The following MARCHF11 variants were observed in gnomAD, a reference collection of about 807,000 sequenced individuals.
MARCHF11 encodes the protein membrane associated ring-CH-type finger 11.
MARCHF11 carries 29 observed loss-of-function variants against 37.3 expected under a neutral mutation model. That is an observed-to-expected ratio of 0.78 (90% CI 0.58 to 1.06). The LOEUF is 1.06. MARCHF11 is among the 50% of genes least tolerant of loss of function. The pLI, the probability that MARCHF11 is intolerant of heterozygous loss-of-function variation, is 0.00. For missense variants in MARCHF11, 482 were observed against 533.4 expected (o/e 0.90, Z 0.95); for synonymous variants, 233 against 228.0 (o/e 1.02, Z -0.20).
chr5:16,145,667 A>C (rs1737784647), intron 2 of MARCHF11, among the ~76,000 whole-genome samples: 1 of 152,166 alleles, frequency 6.6e-6, no homozygotes, highest in Non-Finnish European at 1.5e-5. Context: ...CAGTCTCAAT[A>C]ATGATAGAAG....
chr5:16,164,756 CT>C (rs1465454527), intron 2 of MARCHF11, among the ~76,000 whole-genome samples: 1 of 152,018 alleles, frequency 6.6e-6, no homozygotes, highest in Non-Finnish European at 1.5e-5. Context: ...CCTATTGCTT[CT>C]ACTTTAAAGG....
intron 2 of MARCHF11, among the ~76,000 whole-genome samples, chr5:16,176,271 C>A (rs1361087686): frequency 6.6e-6 from 1 of 152,166 alleles, no homozygotes; most frequent in Non-Finnish European, 1.5e-5. Context: ...TAGCTCTTCT[C>A]ATGGAACTTT....
chr5:16,140,809 T>C (rs1243790893), intron 2 of MARCHF11, among the ~76,000 whole-genome samples: 2 of 152,320 alleles, frequency 1.3e-5, no homozygotes, highest in African/African-American at 4.8e-5. Context: ...ATTTTCTCCA[T>C]TAATGCTGGG....
chr5:16,134,558 C>T (rs908176309), intron 2 of MARCHF11, among the ~76,000 whole-genome samples: 2 of 152,100 alleles, frequency 1.3e-5, no homozygotes, highest in African/African-American at 4.8e-5. Context: ...AATGTTAATG[C>T]CTGCATTATA....
intron 2 of MARCHF11, among the ~76,000 whole-genome samples, chr5:16,125,810 G>T (rs1358865917): frequency 6.6e-6 from 1 of 152,160 alleles, no homozygotes; most frequent in Non-Finnish European, 1.5e-5. Context: ...CAGAGGAAAT[G>T]TAGTACAAAT....
chr5:16,150,969 C>T (rs999861189), intron 2 of MARCHF11, among the ~76,000 whole-genome samples: 1 of 152,042 alleles, frequency 6.6e-6, no homozygotes, highest in African/African-American at 2.4e-5. Context: ...GTGCTTCCCA[C>T]TGCATGAGCC....
intron 2 of MARCHF11, among the ~76,000 whole-genome samples, chr5:16,157,351 T>A (rs1038997335): frequency 6.6e-6 from 1 of 151,886 alleles, no homozygotes; most frequent in Non-Finnish European, 1.5e-5. Flanking sequence ...ATCCTAAAAT[T>A]TGTATGGAAC....
intron 2 of MARCHF11, among the ~76,000 whole-genome samples, chr5:16,118,401 A>G (rs1737255627): frequency 6.6e-6 from 1 of 151,762 alleles, no homozygotes; most frequent in African/African-American, 2.4e-5. Flanking sequence ...ACTGGTTCCA[A>G]TAAGAGGCAG....
At chr5:16,156,462 T>A (rs1737979140) in intron 2 of MARCHF11, among the ~76,000 whole-genome samples, 1 of 151,922 alleles carries the variant, frequency 6.6e-6, no homozygotes, top group Non-Finnish European at 1.5e-5. Context: ...TCTTTATAAC[T>A]ATCCTAATCC....
At chr5:16,087,805 A>G (rs1043498174) in intron 3 of MARCHF11, among the ~76,000 whole-genome samples, 1 of 152,250 alleles carries the variant, frequency 6.6e-6, no homozygotes, top group African/African-American at 2.4e-5. Flanking sequence ...GCCTAGGAAT[A>G]AGTAAATAAA....
At chr5:16,155,731 G>A (rs1442464669) in intron 2 of MARCHF11, among the ~76,000 whole-genome samples, 1 of 151,904 alleles carries the variant, frequency 6.6e-6, no homozygotes, top group South Asian at 2.1e-4. Flanking sequence ...TGGGAATCAA[G>A]TCAGGCATTC....
chr5:16,085,939 C>CAAAAAAAAAAAAAAAAAAA lies in MARCHF11; in HGVS notation c.886+4931_886+4949dup, dbSNP rs56782867. On this transcript the variant is annotated intron_variant, in intron 3 of 3. Coordinates refer to ENST00000332432, the MANE Select transcript of MARCHF11 (RefSeq NM_001102562.3). ...TGGGCGAAAGAGCAAGACTCCATCT[C>CAAAAAAAAAAAAAAAAAAA]AAAAAAAAAAAAAAAAAAAAAAAAA... is the stretch of plus-strand genomic sequence containing the variant. Among the ~76,000 whole-genome samples, 12 of 40,972 alleles carry CAAAAAAAAAAAAAAAAAAA rather than the reference C, an allele frequency of 2.9e-4. 2 individuals carry two copies. The highest frequency in any genetic ancestry group is 3.3e-4 in the African/African-American group (4 of 12,082). The allele number at this position is 40,972 out of a possible 152,430, so 26.9% of individuals were successfully genotyped here.
chr5:16,109,863 T>C (rs1737107786), intron 2 of MARCHF11, among the ~76,000 whole-genome samples: 1 of 152,200 alleles, frequency 6.6e-6, no homozygotes, highest in African/African-American at 2.4e-5. Flanking sequence ...ATCCCCCACA[T>C]GCCTAGTGCC....
intron 3 of MARCHF11, among the ~76,000 whole-genome samples, chr5:16,074,518 T>C (rs1039938912): frequency 2.6e-5 from 4 of 152,094 alleles, no homozygotes; most frequent in Non-Finnish European, 5.9e-5. Flanking sequence ...AACCAAGACA[T>C]GTTGGTTTTT....
chr5:16,071,840 A>G (rs1383876063), intron 3 of MARCHF11, among the ~76,000 whole-genome samples: 1 of 152,232 alleles, frequency 6.6e-6, no homozygotes, highest in African/African-American at 2.4e-5. Context: ...CATAAGATAA[A>G]TTTGTATCAA....
chr5:16,126,042 T>C (rs938120969), intron 2 of MARCHF11, among the ~76,000 whole-genome samples: 2 of 152,218 alleles, frequency 1.3e-5, no homozygotes, highest in Admixed American at 6.5e-5. Flanking sequence ...GGGATTCAGA[T>C]GAATCCCTTA....
chr5:16,178,930 T>A (rs1738411586), intron 1 of MARCHF11, 109 bp downstream of exon 1: 2 of 1,288,686 alleles, frequency 1.6e-6, no homozygotes, highest in African/African-American at 1.6e-5. Context: ...CAGACGAGCC[T>A]CACTGGAGGC....
chr5:16,176,599 T>C (rs2126613038), intron 2 of MARCHF11, among the ~76,000 whole-genome samples: 1 of 152,330 alleles, frequency 6.6e-6, no homozygotes, highest in East Asian at 1.9e-4. Context: ...TTGCTAATCA[T>C]GCATTAAATG....
intron 3 of MARCHF11, among the ~76,000 whole-genome samples, chr5:16,076,500 A>G (rs1248036234): frequency 6.6e-6 from 1 of 152,206 alleles, no homozygotes; most frequent in Non-Finnish European, 1.5e-5. Flanking sequence ...ATGGACTGGA[A>G]TCAGTTACAT....
Sources: allele counts gnomAD v4.1 joint callset (sites outside exome capture counted in the v4.1 genomes callset), GRCh38; gene constraint gnomAD v4.1.1; transcripts MANE v1.5; gene names NCBI Gene and HGNC (gene_info 2026-07-23, HGNC 2026-07-21).